Variants in OGFOD3 observed in about 807,000 individuals in gnomAD.
The protein encoded by OGFOD3 is 2-oxoglutarate and iron-dependent oxygenase domain-containing protein 3.
Under a neutral mutation model 39.8 loss-of-function variants are expected in OGFOD3, and 35 were observed. That is an observed-to-expected ratio of 0.88 (90% CI 0.67 to 1.17). OGFOD3 has a LOEUF of 1.17. Ranked by LOEUF, OGFOD3 falls within the 50% of genes most tolerant of loss-of-function variation. The pLI is 0.00. For synonymous variants in OGFOD3, 200 were observed against 192.0 expected (o/e 1.04, Z -0.34); for missense variants, 438 against 454.5 (o/e 0.96, Z 0.33).
In OGFOD3 at chr17:82,409,395, C is replaced by A. The variant is rs143751196; in HGVS notation, c.396G>T (p.Gly132=). 9.2e-5 allele frequency: 149 copies of A among 1,613,978 alleles called. No individual in the cohort carries two copies. The highest frequency in any genetic ancestry group is 2.0e-4 in the Admixed American group (12 of 60,000). The part of the protein sequence containing the change: ...AERIRSVAEK[G]LSLGGSDGGA... ...CTCCGTCAGATCCTCCCAGGGAGAG[C>A]CCCTTTTCAGCTACGCTGCAGGGAG... The change falls in exon 4 of 9, where the codon GGG becomes GGT. Residue 132 remains glycine, a synonymous_variant. Transcript: ENST00000313056.
At position 82,397,965 on chromosome 17, in the gene OGFOD3, C is replaced by T. The variant is rs922444879; in HGVS notation, c.823+231G>A. Among the ~76,000 whole-genome samples the T allele has an allele frequency of 5.9e-5, 9 of 151,984 alleles. 1 individual carries two copies. The East Asian group carries it at 1.2e-3, about 20-fold the overall frequency. ...CCTGTCAAGGTGACACACACCAGGG[C>T]GTGGAGGGGGGCTCTGCCGCTGACT... On this transcript the variant is annotated intron_variant, in intron 8 of 8. Coordinates refer to ENST00000313056, the MANE Select transcript of OGFOD3 (RefSeq NM_024648.3).
At chr17:82,412,341 G>A (rs1480144784) in intron 2 of OGFOD3, among the ~76,000 whole-genome samples, 2 of 140,526 alleles carry the variant, frequency 1.4e-5, no homozygotes, top group East Asian at 2.2e-4. Context: ...CATGGTTATC[G>A]GGGCAGGGGC....
intron 5 of OGFOD3, 29 bp from the exon 6 acceptor site, chr17:82,405,409 C>T: frequency 1.3e-6 from 2 of 1,562,028 alleles, no homozygotes; most frequent in Non-Finnish European, 1.8e-6. Flanking sequence ...TCACAAAGGT[C>T]ACAACACTTC....
intron 7 of OGFOD3, chr17:82,400,911 G>A (rs2052752885): frequency 6.6e-6 from 1 of 152,112 alleles, no homozygotes; most frequent in African/African-American, 2.4e-5. Context: ...GACAAAATTC[G>A]GTCAGGGGCC....
chr17:82,397,545 C>T (rs1049451493), intron 8 of OGFOD3, among the ~76,000 whole-genome samples: 5 of 152,108 alleles, frequency 3.3e-5, no homozygotes, highest in Non-Finnish European at 7.4e-5. Flanking sequence ...CCTGAGGAGG[C>T]CCCTAACAGG....
At chr17:82,403,781 C>T in intron 7 of OGFOD3, 156 bp downstream of exon 7, 5 of 994,070 alleles carry the variant, frequency 5.0e-6, no homozygotes, top group Non-Finnish European at 4.5e-6. Flanking sequence ...TGCCCACGTG[C>T]GTACTCACCC....
At position 82,415,649 on chromosome 17, in the gene OGFOD3, C is replaced by T. The variant is rs779495942; in HGVS notation, c.75-22G>A. On this transcript the variant is annotated intron_variant, in intron 1 of 8. Coordinates refer to ENST00000313056, the MANE Select transcript of OGFOD3 (RefSeq NM_024648.3). The surrounding 1 kb of genome is among the most constrained non-coding windows in gnomAD (Gnocchi z 5.3). ...GGTGCTGAGAACAGAAAACAGGCCACGTCACCCAAACACGGAGTGAGGCCA... is the reference window on the plus strand; with the variant it reads ...GGTGCTGAGAACAGAAAACAGGCCATGTCACCCAAACACGGAGTGAGGCCA... The T allele has an allele frequency of 1.6e-5, 25 of 1,588,416 alleles. No individual in the cohort carries two copies. Among genetic ancestry groups the T allele is most frequent in the South Asian group, 1.0e-4 (9 of 89,662 alleles).
At chr17:82,413,070 T>C (rs1443188846) in intron 2 of OGFOD3, among the ~76,000 whole-genome samples, 1 of 152,216 alleles carries the variant, frequency 6.6e-6, no homozygotes, top group Non-Finnish European at 1.5e-5. Context: ...AGGGGGGCTG[T>C]AGTTACTGTG....
At position 82,406,098 on chromosome 17, in the gene OGFOD3, G is replaced by A. The variant is rs1472169753; in HGVS notation, c.488+320C>T. Among the ~76,000 whole-genome samples the A allele has an allele frequency of 6.6e-6, 1 of 152,160 alleles. No individual in the cohort carries two copies. Among genetic ancestry groups the A allele is most frequent in the East Asian group, 1.9e-4 (1 of 5,186 alleles). ...CAAAGGCCCCGTTGGATTCTTGGAAGCTGCTCCTGGGAGCCTCCCATCTCT... is the reference window on the plus strand; with the variant it reads ...CAAAGGCCCCGTTGGATTCTTGGAAACTGCTCCTGGGAGCCTCCCATCTCT... On this transcript the variant is annotated intron_variant, in intron 5 of 8. Transcript: ENST00000313056. The surrounding 1 kb of genome is among the most constrained non-coding windows in gnomAD (Gnocchi z 5.2).
At chr17:82,400,645 T>TATAC (rs1405225514) in intron 7 of OGFOD3, 1 of 152,170 alleles carries the variant, frequency 6.6e-6, no homozygotes, top group Non-Finnish European at 1.5e-5. Flanking sequence ...CCTTTATTTA[T>TATAC]ATACATATAT....
chr17:82,415,577 G>C lies in OGFOD3; in HGVS notation c.125C>G (p.Pro42Arg), dbSNP rs61742456. The C allele has an allele frequency of 6.2e-7, 1 of 1,613,392 alleles. No homozygotes were observed. The highest frequency in any genetic ancestry group is 8.5e-7 in the Non-Finnish European group (1 of 1,179,890). ...CCCCAGGCCCGCGGTCCTTAGCCAC[G>C]GCCTCTGCCACAGCCTCTGCACCTC... is the stretch of plus-strand genomic sequence containing the variant. ...PREVQRLWQR[P>R]WLRTAGLGAG... The change falls in exon 2 of 9, where the codon CCG becomes CGG. Residue 42 changes from proline to arginine, a missense_variant. Coordinates refer to ENST00000313056, the MANE Select transcript of OGFOD3 (RefSeq NM_024648.3). The surrounding 1 kb of genome is among the most constrained non-coding windows in gnomAD (Gnocchi z 5.3).
At chr17:82,403,169 G>C (rs369754270) in intron 7 of OGFOD3, among the ~76,000 whole-genome samples, 2 of 152,208 alleles carry the variant, frequency 1.3e-5, no homozygotes, top group South Asian at 2.1e-4. Context: ...ACCATCTGCC[G>C]TAAGAGGTTA....
intron 3 of OGFOD3, among the ~76,000 whole-genome samples, chr17:82,411,126 A>T (rs944694476): frequency 6.6e-6 from 1 of 150,758 alleles, no homozygotes; most frequent in Non-Finnish European, 1.5e-5. Context: ...GGCTCACTGC[A>T]ACCTCTGCCT....
chr17:82,397,433 GAT>G, intron 8 of OGFOD3, among the ~76,000 whole-genome samples: 1 of 143,642 alleles, frequency 7.0e-6, no homozygotes, highest in African/African-American at 2.6e-5. Context: ...GTGCCCTGGG[GAT>G]GGGTGAGGCA....
intron 2 of OGFOD3, among the ~76,000 whole-genome samples, chr17:82,413,878 CAA>C (rs35623032): frequency 1.4e-4 from 15 of 109,762 alleles, no homozygotes; most frequent in Non-Finnish European, 1.4e-4. Context: ...ACACTCTGTC[CAA>C]AAAAAAAAAA....
intron 7 of OGFOD3, 54 bp from the exon 8 acceptor site, chr17:82,398,373 G>A (rs2052712200): frequency 1.9e-6 from 3 of 1,602,400 alleles, no homozygotes; most frequent in Admixed American, 1.7e-5. Context: ...ATGCGACCAG[G>A]GCAGGTGCTG....
intron 3 of OGFOD3, among the ~76,000 whole-genome samples, chr17:82,410,100 A>G (rs1377331169): frequency 6.6e-6 from 1 of 152,150 alleles, no homozygotes; most frequent in African/African-American, 2.4e-5. Flanking sequence ...AGGGGCCCTG[A>G]CCATGGTGGG....
rs79956747 is a variant in OGFOD3, at chr17:82,401,803, C to CAAAAAAAAAAAAAAAAAA, written c.699+2116_699+2133dup. Among the ~76,000 whole-genome samples, 268 of 61,616 alleles carry CAAAAAAAAAAAAAAAAAA rather than the reference C, an allele frequency of 4.3e-3. 6 individuals carry two copies. The highest frequency in any genetic ancestry group is 6.1e-3 in the Admixed American group (27 of 4,444). The allele number at this position is 61,616 out of a possible 152,430, so 40.4% of individuals were successfully genotyped here. A position where few individuals can be genotyped will look rare whatever the true frequency, so the allele number is the denominator to read the frequency against. On this transcript the variant is annotated intron_variant, in intron 7 of 8. Coordinates refer to ENST00000313056, the MANE Select transcript of OGFOD3 (RefSeq NM_024648.3). ...TGGGTGGCAGAGCAAGACTCCATCT[C>CAAAAAAAAAAAAAAAAAA]AAAAAAAAAAAAAAAAAAAACAAAG...
At position 82,405,381 on chromosome 17, in the gene OGFOD3, C is replaced by G. The variant is rs372345810; in HGVS notation, c.489-1G>C. ...GTTCTGTATTTTATCCCCGAAGTAT[C>G]TGTGAAAAAAGGAGTATTCACAAAG... On this transcript the variant is annotated splice_acceptor_variant, in intron 5 of 8. Coordinates refer to ENST00000313056, the MANE Select transcript of OGFOD3 (RefSeq NM_024648.3). LOFTEE classifies it high-confidence loss of function. 4.3e-5 allele frequency: 69 copies of G among 1,613,156 alleles called. No individual in the cohort carries two copies. Among genetic ancestry groups the G allele is most frequent in the Non-Finnish European group, 5.4e-5 (64 of 1,179,198 alleles).
Sources: allele counts gnomAD v4.1 joint callset (sites outside exome capture counted in the v4.1 genomes callset), GRCh38; gene constraint gnomAD v4.1.1; non-coding constraint Gnocchi (gnomAD v3.1); transcripts MANE v1.5; gene names NCBI Gene and HGNC (gene_info 2026-07-23, HGNC 2026-07-21).